Variants in HSPG2 observed in about 807,000 individuals in gnomAD.
HSPG2 encodes basement membrane-specific heparan sulfate proteoglycan core protein.
Under a neutral mutation model 526.6 loss-of-function variants are expected in HSPG2, and 278 were observed. The observed-to-expected ratio is 0.53, with a 90% CI of 0.48 to 0.58. HSPG2 has a LOEUF of 0.58. Ranked by LOEUF, HSPG2 falls within the 20% of genes least tolerant of loss-of-function variation. The pLI, the probability that HSPG2 is intolerant of heterozygous loss-of-function variation, is 0.00. For synonymous variants in HSPG2, 2,465 were observed against 2,555.4 expected (o/e 0.96, Z 1.07); for missense variants, 5,354 against 6,099.5 (o/e 0.88, Z 4.07).
At chr1:21,873,818 C>T (rs1204675682) in intron 29 of HSPG2, 107 bp downstream of exon 29, 14 of 944,598 alleles carry the variant, frequency 1.5e-5, no homozygotes, top group Admixed American at 4.8e-5. Context: ...AGGTTAAGAG[C>T]GAGAGGCATC....
At chr1:21,853,100 G>A (rs1462584309) in intron 50 of HSPG2, 30 bp from the exon 51 acceptor site, 1 of 1,612,828 alleles carries the variant, frequency 6.2e-7, no homozygotes, top group Non-Finnish European at 8.5e-7. Flanking sequence ...TCAGAGGCCT[G>A]AACTCTTGGG....
intron 1 of HSPG2, among the ~76,000 whole-genome samples, chr1:21,931,651 T>G (rs907389307): frequency 1.3e-5 from 2 of 152,174 alleles, no homozygotes; most frequent in Non-Finnish European, 2.9e-5. Flanking sequence ...CCTTCCCATA[T>G]ACCCCAAGTA....
intron 1 of HSPG2, among the ~76,000 whole-genome samples, chr1:21,907,671 C>G (rs1331635918): frequency 6.6e-6 from 1 of 152,114 alleles, no homozygotes; most frequent in East Asian, 1.9e-4. Context: ...GTGTACATCA[C>G]TACATCTGGC....
chr1:21,829,940 G>T (rs1007864813), intron 86 of HSPG2, 53 bp downstream of exon 86: 6 of 1,456,658 alleles, frequency 4.1e-6, no homozygotes, highest in Non-Finnish European at 5.7e-6. Flanking sequence ...GCCCCACCCA[G>T]CCTCCCCAGC....
At chr1:21,933,219 CAAA>C (rs60550984) in intron 1 of HSPG2, among the ~76,000 whole-genome samples, 6 of 94,240 alleles carry the variant, frequency 6.4e-5, no homozygotes, top group Admixed American at 3.4e-4. Flanking sequence ...GACCCTGTCT[CAAA>C]AAAAAAAAAA....
Position 21,822,275 on chromosome 1 carries a change from T to C in HSPG2, c.*1041A>G. The C allele has an allele frequency of 1.9e-6, 3 of 1,569,370 alleles. No individual in the cohort carries two copies. The highest frequency in any genetic ancestry group is 1.8e-6 in the Non-Finnish European group (2 of 1,139,980). On this transcript the variant is annotated 3_prime_UTR_variant, in exon 97 of 97. Transcript: ENST00000374695. The stretch of plus-strand genomic sequence containing the variant: ...GGATAGCACCGTTTATTAAGAAAAA[T>C]CAAGACAAAGACCACAGGAGGGTCC...
At chr1:21,881,669 G>A (rs908355073) in intron 13 of HSPG2, among the ~76,000 whole-genome samples, 167 bp from the exon 14 acceptor site, 4 of 152,108 alleles carry the variant, frequency 2.6e-5, no homozygotes, top group African/African-American at 7.2e-5. Context: ...TTTGCCGGGT[G>A]TGGTGGCTCA....
rs1359784972 is a variant in HSPG2, at chr1:21,859,826, C to T, written c.5182+9G>A. The T allele has an allele frequency of 1.2e-6, 2 of 1,610,924 alleles. No homozygotes were observed. Among genetic ancestry groups the T allele is most frequent in the African/African-American group, 1.3e-5 (1 of 75,060 alleles). ...CTCTTGGGGCTGAGGAGCCTAGGGC[C>T]ATGGGTACCTTGATGTCGCTGCTGG... On this transcript the variant is annotated intron_variant, in intron 41 of 96. Coordinates refer to ENST00000374695, the MANE Select transcript of HSPG2 (RefSeq NM_005529.7). This position sits in a 1 kb window ranked among gnomAD's most constrained non-coding sequence, Gnocchi z 5.3.
intron 13 of HSPG2, among the ~76,000 whole-genome samples, chr1:21,884,130 A>C (rs994026804): frequency 6.6e-6 from 1 of 152,172 alleles, no homozygotes; most frequent in African/African-American, 2.4e-5. Context: ...AGAGGCTTAC[A>C]TACGTGACTC....
At chr1:21,933,765 G>A (rs922604122) in intron 1 of HSPG2, among the ~76,000 whole-genome samples, 1 of 152,328 alleles carries the variant, frequency 6.6e-6, no homozygotes, top group Non-Finnish European at 1.5e-5. Flanking sequence ...CCTTCCCTCC[G>A]GGAATGTCCA....
intron 46 of HSPG2, 31 bp from the exon 47 acceptor site, chr1:21,855,477 T>A: frequency 6.2e-7 from 1 of 1,612,600 alleles, no homozygotes; most frequent in Non-Finnish European, 8.5e-7. Flanking sequence ...GAACACGCCC[T>A]GGGCTGAGCA....
chr1:21,868,302 T>C (rs1640394700), intron 33 of HSPG2, among the ~76,000 whole-genome samples: 1 of 151,998 alleles, frequency 6.6e-6, no homozygotes, highest in Non-Finnish European at 1.5e-5. Context: ...TCTCCCAAAG[T>C]GTTGGGATTA....
Position 21,839,658 on chromosome 1 carries a change from AC to A in HSPG2, c.9710-109del. On this transcript the variant is annotated intron_variant, in intron 72 of 96. Coordinates refer to ENST00000374695, the MANE Select transcript of HSPG2 (RefSeq NM_005529.7). This position sits in a 1 kb window ranked among gnomAD's most constrained non-coding sequence, Gnocchi z 4.5. The stretch of plus-strand genomic sequence containing the variant: ...TGGGTGATCCTGTCCCTCTATGGGG[AC>A]CCCAGTTGGGTTCCTCGGCCATCAC... The A allele has an allele frequency of 3.5e-6, 5 of 1,438,704 alleles. No homozygotes were observed. In the South Asian group the frequency reaches 3.6e-5, roughly 10 times the overall value. The allele number at this position is 1,438,704 out of a possible 1,614,324, so 89.1% of individuals were successfully genotyped here.
At chr1:21,915,796 T>C (rs1321443524) in intron 1 of HSPG2, among the ~76,000 whole-genome samples, 1 of 152,160 alleles carries the variant, frequency 6.6e-6, no homozygotes, top group African/African-American at 2.4e-5. Context: ...ACGCCTATAA[T>C]CCCAGCACTT....
chr1:21,890,048 G>GCCAC lies in HSPG2; in HGVS notation c.506_507insGTGG (p.Ile169MetfsTer44). ...CGTAGGAGGCCACAGAGCCGCTGGA[G>GCCAC]ATGACCCTGAGCAGCATCTCCTGAA... On this transcript the variant is annotated frameshift_variant, in exon 6 of 97. Coordinates refer to ENST00000374695, the MANE Select transcript of HSPG2 (RefSeq NM_005529.7). LOFTEE classifies it high-confidence loss of function. This position sits in a 1 kb window ranked among gnomAD's most constrained non-coding sequence, Gnocchi z 4.1. 6.2e-7 allele frequency: 1 copy of GCCAC among 1,613,968 alleles called. No homozygotes were observed. Among genetic ancestry groups the GCCAC allele is most frequent in the African/African-American group, 1.3e-5 (1 of 75,020 alleles).
chr1:21,873,139 C>G (rs950172184), intron 30 of HSPG2, 48 bp from the exon 31 acceptor site: 32 of 1,467,334 alleles, frequency 2.2e-5, no homozygotes, highest in Non-Finnish European at 2.9e-5. Flanking sequence ...CGCCACCCAG[C>G]ACCCCTCTTC....
Position 21,872,865 on chromosome 1 carries a change from G to T in HSPG2, c.3889-105C>A. On this transcript the variant is annotated intron_variant, in intron 31 of 96. Transcript: ENST00000374695. The surrounding 1 kb of genome is among the most constrained non-coding windows in gnomAD (Gnocchi z 5.5). ...TGGCCACTTCCAGCAGCCCCGGGCA[G>T]CCCCTGCCCTGTCCCCCATGCCCTG... 6.5e-7 allele frequency: 1 copy of T among 1,547,878 alleles called. No individual in the cohort carries two copies.
In HSPG2 at chr1:21,864,004, C is replaced by T. The variant is rs1640027928; in HGVS notation, c.4740+96G>A. On this transcript the variant is annotated intron_variant, in intron 37 of 96. Transcript: ENST00000374695. This position sits in a 1 kb window ranked among gnomAD's most constrained non-coding sequence, Gnocchi z 4.8. The stretch of plus-strand genomic sequence containing the variant: ...GAACCACAGGCCATGCCCCATGATC[C>T]TGATCCCCTGGATTGATGCCTGCCT... 1 of 978,658 alleles carries T rather than the reference C, an allele frequency of 1.0e-6. No individual in the cohort carries two copies. The highest frequency in any genetic ancestry group is 2.0e-5 in the Admixed American group (1 of 50,180). 60.6% of individuals were successfully genotyped at this position (978,658 alleles called of 1,614,324 possible). A position where few individuals can be genotyped will look rare whatever the true frequency, so the allele number is the denominator to read the frequency against.
In HSPG2 at chr1:21,841,171, C is replaced by G; in HGVS notation, c.9443G>C (p.Arg3148Pro). 6.2e-6 allele frequency: 10 copies of G among 1,613,784 alleles called. No individual in the cohort carries two copies. Among genetic ancestry groups the G allele is most frequent in the Non-Finnish European group, 8.5e-6 (10 of 1,180,008 alleles). ...GEPRSSARWTRISSTPAKLEQ... is the reference protein window; with the variant it reads ...GEPRSSARWTPISSTPAKLEQ... ...CAACTTGGCAGGGGTGCTGCTGATC[C>G]GGGTCCAACGAGCAGAGGAGCGGGG... Residue 3148 changes from arginine to proline, a missense_variant, in exon 71 of 97, where the codon CGG becomes CCG. Physicochemically the swap from Arg to Pro is moderately radical, Grantham distance 103. Coordinates refer to ENST00000374695, the MANE Select transcript of HSPG2 (RefSeq NM_005529.7).
Sources: gnomAD v4.1 joint callset for allele counts (sites outside exome capture counted in the v4.1 genomes callset) on GRCh38, gnomAD v4.1.1 for gene constraint, Gnocchi (gnomAD v3.1) non-coding constraint, MANE v1.5 for transcripts, NCBI Gene and HGNC (gene_info 2026-07-23, HGNC 2026-07-21) for gene names.